The following ABI3BP variants were observed in gnomAD, a reference collection of about 807,000 sequenced individuals.
The protein encoded by ABI3BP is ABI family member 3 binding protein, also known as target of Nesh-SH3.
ABI3BP carries 216 observed loss-of-function variants against 268.6 expected under a neutral mutation model. That is an observed-to-expected ratio of 0.80 (90% confidence interval 0.72 to 0.90). ABI3BP has a LOEUF of 0.90. Among genes scored for constraint, ABI3BP ranks in the 40% least tolerant of loss-of-function variants. The pLI, the probability that ABI3BP is intolerant of heterozygous loss-of-function variation, is 0.00. For synonymous variants in ABI3BP, 730 were observed against 730.0 expected (o/e 1.00, Z 0.00); for missense variants, 2,090 against 2,182.4 (o/e 0.96, Z 0.84).
At chr3:100,891,858 A>T (rs1350646187) in intron 4 of ABI3BP, among the ~76,000 whole-genome samples, 3 of 152,230 alleles carry the variant, frequency 2.0e-5, no homozygotes, top group Non-Finnish European at 4.4e-5. Flanking sequence ...GTGAGCTTGC[A>T]CTCTAATGAA....
intron 1 of ABI3BP, among the ~76,000 whole-genome samples, chr3:100,958,112 A>G (rs2077448251): frequency 6.6e-6 from 1 of 152,258 alleles, no homozygotes; most frequent in South Asian, 2.1e-4. Context: ...AAACAAGTGC[A>G]GAGTTGGAAC....
chr3:100,900,821 C>T (rs748691473), intron 3 of ABI3BP, among the ~76,000 whole-genome samples: 1 of 152,170 alleles, frequency 6.6e-6, no homozygotes, highest in Non-Finnish European at 1.5e-5. Context: ...CAAGATGAAG[C>T]AATTTCCTGA....
chr3:100,950,769 G>T (rs2074607624), intron 1 of ABI3BP, among the ~76,000 whole-genome samples: 1 of 151,788 alleles, frequency 6.6e-6, no homozygotes, highest in African/African-American at 2.4e-5. Context: ...TCTTTCTTCT[G>T]AGTGGAGAGT....
intron 61 of ABI3BP, among the ~76,000 whole-genome samples, chr3:100,774,055 T>C (rs2096632479): frequency 6.6e-6 from 1 of 152,268 alleles, no homozygotes; most frequent in South Asian, 2.1e-4. Flanking sequence ...ATATTAAAAT[T>C]CATCAAATGT....
At chr3:100,883,799 G>C (rs532003700) in intron 6 of ABI3BP, among the ~76,000 whole-genome samples, 3 of 151,990 alleles carry the variant, frequency 2.0e-5, no homozygotes, top group Non-Finnish European at 4.4e-5. Context: ...TTAAGGAAAT[G>C]ATTAGCATTG....
intron 59 of ABI3BP, among the ~76,000 whole-genome samples, chr3:100,777,512 A>G (rs970529521): frequency 6.6e-6 from 1 of 152,224 alleles, no homozygotes; most frequent in Non-Finnish European, 1.5e-5. Context: ...GTCATCACAG[A>G]GCTCACAGTC....
intron 2 of ABI3BP, among the ~76,000 whole-genome samples, chr3:100,917,086 A>G (rs1003714994): frequency 6.6e-6 from 1 of 152,172 alleles, no homozygotes; most frequent in Non-Finnish European, 1.5e-5. Context: ...TATTTTTACT[A>G]TAGGCAACTA....
chr3:100,975,952 A>G (rs1208916325), intron 1 of ABI3BP, among the ~76,000 whole-genome samples: 1 of 152,182 alleles, frequency 6.6e-6, no homozygotes, highest in African/African-American at 2.4e-5. Flanking sequence ...GAACTGGCCA[A>G]CTGGATAGAA....
At chr3:100,894,275 A>G (rs1469435446) in intron 4 of ABI3BP, among the ~76,000 whole-genome samples, 1 of 152,192 alleles carries the variant, frequency 6.6e-6, no homozygotes, top group Non-Finnish European at 1.5e-5. Context: ...TACAGAGACA[A>G]GTGAGGTGAT....
intron 57 of ABI3BP, 110 bp from the exon 58 acceptor site, chr3:100,780,319 T>C: frequency 1.0e-6 from 1 of 987,906 alleles, no homozygotes; most frequent in Non-Finnish European, 1.5e-6. Flanking sequence ...GGAGCATTGG[T>C]GTTTTTATGC....
At chr3:100,868,858 G>GGT (rs1554025394) in intron 9 of ABI3BP, among the ~76,000 whole-genome samples, 1 of 151,380 alleles carries the variant, frequency 6.6e-6, no homozygotes, top group Non-Finnish European at 1.5e-5. Context: ...AATTTTATCA[G>GGT]TTTTTTTTCT....
intron 1 of ABI3BP, among the ~76,000 whole-genome samples, chr3:100,981,108 T>C (rs1203700771): frequency 6.6e-6 from 1 of 152,210 alleles, no homozygotes; most frequent in East Asian, 1.9e-4. Context: ...TAATCTGATA[T>C]ACACAGAGCT....
chr3:100,832,143 A>C, intron 31 of ABI3BP, 121 bp downstream of exon 31: 1 of 876,532 alleles, frequency 1.1e-6, no homozygotes, highest in South Asian at 2.1e-5. Context: ...CTCACTAACC[A>C]GTAGCTTTTA....
intron 3 of ABI3BP, among the ~76,000 whole-genome samples, chr3:100,901,616 A>G (rs1460618536): frequency 2.0e-5 from 3 of 151,936 alleles, no homozygotes; most frequent in Non-Finnish European, 4.4e-5. Context: ...AATACAAAAA[A>G]TTAGCCGGGC....
At chr3:100,968,884 C>A (rs989373837) in intron 1 of ABI3BP, among the ~76,000 whole-genome samples, 14 of 152,048 alleles carry the variant, frequency 9.2e-5, no homozygotes, top group African/African-American at 3.4e-4. Flanking sequence ...GTTCCCCTTC[C>A]TGTGTCCATA....
intron 2 of ABI3BP, among the ~76,000 whole-genome samples, chr3:100,908,625 A>T (rs937542333): frequency 6.6e-6 from 1 of 151,896 alleles, no homozygotes; most frequent in Non-Finnish European, 1.5e-5. Context: ...AGACAAACAG[A>T]GAGCCAAATC....
chr3:100,960,538 G>A (rs2153816048), intron 1 of ABI3BP, among the ~76,000 whole-genome samples: 1 of 152,258 alleles, frequency 6.6e-6, no homozygotes, highest in Admixed American at 6.5e-5. Flanking sequence ...GAAGAATAAA[G>A]TATGTTAAAC....
chr3:100,879,687 G>C (rs2099206074), intron 6 of ABI3BP, among the ~76,000 whole-genome samples: 1 of 152,194 alleles, frequency 6.6e-6, no homozygotes, highest in South Asian at 2.1e-4. Flanking sequence ...AAAGTGACAA[G>C]AACATATGTA....
intron 3 of ABI3BP, among the ~76,000 whole-genome samples, chr3:100,901,692 G>A (rs2050452005): frequency 6.6e-6 from 1 of 152,038 alleles, no homozygotes; most frequent in South Asian, 2.1e-4. Context: ...CGTGAACCTG[G>A]GAGGCGGAGC....
Sources: allele counts gnomAD v4.1 joint callset (sites outside exome capture counted in the v4.1 genomes callset), GRCh38; gene constraint gnomAD v4.1.1; transcripts MANE v1.5; gene names NCBI Gene and HGNC (gene_info 2026-07-23, HGNC 2026-07-21).